Variants in PYGB observed in about 807,000 individuals in gnomAD.
PYGB encodes the protein glycogen phosphorylase, brain form.
Under a neutral mutation model 94.3 loss-of-function variants are expected in PYGB, and 82 were observed. The ratio of observed to expected loss-of-function variants is 0.87; its 90% CI spans 0.73 to 1.04. The LOEUF (loss-of-function observed/expected upper bound fraction) is 1.04. Among genes scored for constraint, PYGB ranks in the 50% least tolerant of loss-of-function variants. PYGB has a pLI of 0.00. For missense variants in PYGB, 1,132 were observed against 1,158.2 expected (o/e 0.98, Z 0.33); for synonymous variants, 488 against 479.1 (o/e 1.02, Z -0.24).
At chr20:25,290,046 C>A (rs1467659080) in intron 15 of PYGB, 2 of 455,034 alleles carry the variant, frequency 4.4e-6, no homozygotes, top group Non-Finnish European at 9.0e-6. Flanking sequence ...TGTCTCAGTT[C>A]TCTGTAGGTT....
chr20:25,275,221 C>T (rs567670642), intron 5 of PYGB, among the ~76,000 whole-genome samples: 1 of 152,378 alleles, frequency 6.6e-6, no homozygotes, highest in East Asian at 1.9e-4. Context: ...TGTGCGAGGC[C>T]TGGGTGACAT....
At position 25,248,357 on chromosome 20, in the gene PYGB, T is replaced by C. The variant is rs2092876950; in HGVS notation, c.179T>C (p.Val60Ala). ...TACTTCTTCGCGCTGGCGCACACGG[T>C]GCGCGACCACCTCGTGGGCCGCTGG... Reference protein sequence around the residue: ...RDYFFALAHTVRDHLVGRWIR... With the variant: ...RDYFFALAHTARDHLVGRWIR... The change falls in exon 1 of 20, where the codon GTG becomes GCG. Residue 60 changes from valine (V) to alanine (A), a missense_variant. By Grantham distance (64) the Val-to-Ala change is moderately conservative (BLOSUM62 0). Coordinates refer to ENST00000216962, the MANE Select transcript of PYGB (RefSeq NM_002862.4). 2.5e-6 allele frequency: 4 copies of C among 1,599,168 alleles called. No individual in the cohort carries two copies. Among genetic ancestry groups the C allele is most frequent in the Non-Finnish European group, 3.4e-6 (4 of 1,173,946 alleles).
chr20:25,283,085 C>G (rs566063454), intron 12 of PYGB, 91 bp from the exon 13 acceptor site: 1 of 1,060,884 alleles, frequency 9.4e-7, no homozygotes. Context: ...AAAGCAGGGG[C>G]GTGGGCAACA....
In PYGB at chr20:25,259,218, CT is replaced by C; in HGVS notation, c.244-16del. 2 of 1,549,808 alleles carry C rather than the reference CT, an allele frequency of 1.3e-6. No homozygotes were observed. Among genetic ancestry groups the C allele is most frequent in the Non-Finnish European group, 1.8e-6 (2 of 1,122,032 alleles). ...GTAGAATGGAATGAGAAATCTTATT[CT>C]TTCTTCTGCTTCCTCAGCGCATTTA... On this transcript the variant is annotated intron_variant, in intron 1 of 19. Transcript: ENST00000216962.
At chr20:25,290,397 C>T (rs2258053) in intron 15 of PYGB, 84 bp from the exon 16 acceptor site, 4 of 1,528,226 alleles carry the variant, frequency 2.6e-6, no homozygotes, top group Non-Finnish European at 2.7e-6. Context: ...GCCTCACCCC[C>T]CTACAGACCC....
In PYGB at chr20:25,248,118, G is replaced by A. The variant is rs200860399; in HGVS notation, c.-61G>A. The A allele has an allele frequency of 1.2e-4, 172 of 1,479,648 alleles. No homozygotes were observed. The highest frequency in any genetic ancestry group is 1.5e-4 in the Non-Finnish European group (163 of 1,117,882). The allele number at this position is 1,479,648 out of a possible 1,614,324, so 91.7% of individuals were successfully genotyped here. A position where few individuals can be genotyped will look rare whatever the true frequency, so the allele number is the denominator to read the frequency against. On this transcript the variant is annotated 5_prime_UTR_variant, in exon 1 of 20. Transcript: ENST00000216962. ...GGCGCCAGAGCAGCTGCACCATCCC[G>A]GCGTTCGCGTGTGCCGCCGCTTTCC...
At chr20:25,269,846 C>T in intron 3 of PYGB, among the ~76,000 whole-genome samples, 1 of 152,208 alleles carries the variant, frequency 6.6e-6, no homozygotes. Flanking sequence ...GGCCCCGAGA[C>T]CTGCTTCCTT....
rs565504477 is a variant in PYGB at position 25,261,602 on chromosome 20, C to T, written c.345+2264C>T. ...TCTCCTCCAAAGGAACGCAGCTCCT[C>T]GCCAGCAATAGAACAAAGCTGGACG... On this transcript the variant is annotated intron_variant, in intron 2 of 19. Transcript: ENST00000216962. Among the ~76,000 whole-genome samples, 21 of 152,346 alleles carry T rather than the reference C, an allele frequency of 1.4e-4. No homozygotes were observed. The South Asian group carries it at 2.5e-3, about 18-fold the overall frequency.
At chr20:25,250,995 A>G (rs1333991360) in intron 1 of PYGB, 1 of 152,226 alleles carries the variant, frequency 6.6e-6, no homozygotes, top group East Asian at 1.9e-4. Flanking sequence ...ATAAAATAAC[A>G]TTATACTGAA....
intron 9 of PYGB, among the ~76,000 whole-genome samples, chr20:25,279,554 A>G (rs1472831941): frequency 6.6e-6 from 1 of 152,142 alleles, no homozygotes; most frequent in Non-Finnish European, 1.5e-5. Context: ...ACCGTTACCA[A>G]ATCAACATGT....
chr20:25,271,639 T>C (rs760022668), intron 4 of PYGB, among the ~76,000 whole-genome samples, 153 bp downstream of exon 4: 1 of 152,224 alleles, frequency 6.6e-6, no homozygotes, highest in Non-Finnish European at 1.5e-5. Context: ...GTAGCATCCT[T>C]GCTCCGGCTT....
At chr20:25,261,321 G>T (rs576619216) in intron 2 of PYGB, among the ~76,000 whole-genome samples, 1 of 152,314 alleles carries the variant, frequency 6.6e-6, no homozygotes, top group South Asian at 2.1e-4. Context: ...TTGCTGTTCT[G>T]CAGTATTCAC....
At chr20:25,284,351 CTG>C (rs762352833) in intron 14 of PYGB, 100 bp downstream of exon 14, 24 of 1,474,680 alleles carry the variant, frequency 1.6e-5, no homozygotes, top group East Asian at 2.3e-5. Context: ...ATGGTGGGGG[CTG>C]TGTGTGTATA....
chr20:25,291,465 CCGTGGTG>C (rs1311129368), intron 16 of PYGB, among the ~76,000 whole-genome samples: 1 of 152,222 alleles, frequency 6.6e-6, no homozygotes, highest in Non-Finnish European at 1.5e-5. Flanking sequence ...TCTGCAAGCT[CCGTGGTG>C]CAGGGGGGGA....
At chr20:25,274,463 A>AAATTTC in intron 4 of PYGB, 129 bp from the exon 5 acceptor site, 1 of 1,289,846 alleles carries the variant, frequency 7.8e-7, no homozygotes, top group East Asian at 2.6e-5. Flanking sequence ...CCGACCTGGT[A>AAATTTC]AGTGGCTGTA....
intron 1 of PYGB, among the ~76,000 whole-genome samples, chr20:25,257,280 G>A (rs553891699): frequency 4.9e-4 from 75 of 152,302 alleles, no homozygotes; most frequent in African/African-American, 1.7e-3. Flanking sequence ...CCTGTGGCCC[G>A]GCAGGCCCTG....
intron 1 of PYGB, among the ~76,000 whole-genome samples, chr20:25,253,243 G>A (rs1278225091): frequency 6.6e-6 from 1 of 152,144 alleles, no homozygotes; most frequent in Non-Finnish European, 1.5e-5. Flanking sequence ...TGTAGGTTGT[G>A]GCCTTGCACT....
At chr20:25,273,645 G>A (rs962737862) in intron 4 of PYGB, among the ~76,000 whole-genome samples, 2 of 152,150 alleles carry the variant, frequency 1.3e-5, no homozygotes, top group South Asian at 2.1e-4. Flanking sequence ...CTGCAGGGCC[G>A]CTTTTAGTGT....
In PYGB at chr20:25,282,155, C is replaced by T. The variant is rs1762902689; in HGVS notation, c.1518+8C>T. Reference sequence around the variant, plus strand: ...GCCGATACCATCGTGGAGGTGAGTCCCGGGCCCCACCCGTGCCTGTGGAGA... The same window carrying T: ...GCCGATACCATCGTGGAGGTGAGTCTCGGGCCCCACCCGTGCCTGTGGAGA... On this transcript the variant is annotated splice_region_variant and intron_variant, in intron 12 of 19. Coordinates refer to ENST00000216962, the MANE Select transcript of PYGB (RefSeq NM_002862.4). The T allele has an allele frequency of 6.3e-7, 1 of 1,599,102 alleles. No homozygotes were observed.
Sources: allele counts gnomAD v4.1 joint callset (sites outside exome capture counted in the v4.1 genomes callset), GRCh38; gene constraint gnomAD v4.1.1; transcripts MANE v1.5; gene names NCBI Gene and HGNC (gene_info 2026-07-23, HGNC 2026-07-21).